The following MTHFD2L variants were observed in gnomAD, a reference collection of about 807,000 sequenced individuals.
MTHFD2L encodes the protein bifunctional methylenetetrahydrofolate dehydrogenase/cyclohydrolase 2, mitochondrial.
A neutral mutation model predicts 34.9 loss-of-function variants in MTHFD2L; 29 were observed. That is an observed-to-expected ratio of 0.83 (90% CI 0.62 to 1.13). The LOEUF (loss-of-function observed/expected upper bound fraction) is 1.13. Ranked by LOEUF, MTHFD2L falls within the 50% of genes most tolerant of loss-of-function variation. The pLI is 0.00. For missense variants in MTHFD2L, 481 were observed against 446.5 expected, an observed-to-expected ratio of 1.08 and a Z score of -0.70; for synonymous variants, 167 against 155.7, an observed-to-expected ratio of 1.07 and a Z score of -0.54.
intron 3 of MTHFD2L, among the ~76,000 whole-genome samples, chr4:74,188,447 C>T (rs1490812070): frequency 6.6e-6 from 1 of 152,154 alleles, no homozygotes; most frequent in Non-Finnish European, 1.5e-5. Flanking sequence ...CTCATGAACT[C>T]ATCTAAATCT....
intron 6 of MTHFD2L, among the ~76,000 whole-genome samples, chr4:74,237,728 A>G (rs1209769362): frequency 6.6e-6 from 1 of 152,168 alleles, no homozygotes; most frequent in Non-Finnish European, 1.5e-5. Context: ...TCAGCCTTAG[A>G]TTCTCTTTCA....
upstream of MTHFD2L, chr4:74,157,001 GTTTC>G (rs1724327124): frequency 6.6e-6 from 1 of 151,804 alleles, no homozygotes; most frequent in African/African-American, 2.4e-5. Context: ...TATGTGATTT[GTTTC>G]TTTATTAACA....
At chr4:74,293,105 T>C (rs763814446) in intron 7 of MTHFD2L, among the ~76,000 whole-genome samples, 16 of 152,140 alleles carry the variant, frequency 1.1e-4, no homozygotes, top group Non-Finnish European at 1.9e-4. Context: ...TCCAGGTTTG[T>C]TACATAGGTA....
At chr4:74,140,909 A>T (rs542312394) in intron 1 of MTHFD2L, among the ~76,000 whole-genome samples, 1 of 152,290 alleles carries the variant, frequency 6.6e-6, no homozygotes, top group South Asian at 2.1e-4. Context: ...AAACATGGGG[A>T]TTATGGGAAT....
rs1196650738 is a variant in MTHFD2L, at chr4:74,139,020, A to T, written c.-297+13503A>T. The stretch of plus-strand genomic sequence containing the variant: ...AAAGGTAGGTGCAGTCACCTTCCCC[A>T]GCCAGGATTAGGAATTCTTAGTTGG... On this transcript the variant is annotated intron_variant, in intron 1 of 7. Transcript: ENST00000433372. Among the ~76,000 whole-genome samples, 3 of 152,224 alleles carry T rather than the reference A, an allele frequency of 2.0e-5. No homozygotes were observed. In the East Asian group the frequency reaches 5.8e-4, roughly 29 times the overall value.
chr4:74,252,840 T>C (rs1008776318), intron 6 of MTHFD2L, among the ~76,000 whole-genome samples: 1 of 152,054 alleles, frequency 6.6e-6, no homozygotes, highest in Admixed American at 6.5e-5. Context: ...GGGAAATCAC[T>C]GATCACAAAG....
At chr4:74,289,091 C>G (rs1748557380) in intron 7 of MTHFD2L, among the ~76,000 whole-genome samples, 1 of 152,048 alleles carries the variant, frequency 6.6e-6, no homozygotes, top group Admixed American at 6.6e-5. Flanking sequence ...CAACAGTGAC[C>G]TAAAAAGACA....
intron 5 of MTHFD2L, among the ~76,000 whole-genome samples, chr4:74,218,969 TATAA>T (rs954439965): frequency 1.2e-4 from 18 of 151,986 alleles, no homozygotes; most frequent in South Asian, 8.3e-4. Context: ...TTAGAAAAAA[TATAA>T]ATAACAACAA....
At chr4:74,132,644 G>A (rs541537587) in intron 1 of MTHFD2L, among the ~76,000 whole-genome samples, 10 of 152,146 alleles carry the variant, frequency 6.6e-5, no homozygotes, top group African/African-American at 2.2e-4. Context: ...TGTAGATGAC[G>A]GGTTGATGGG....
intron 1 of MTHFD2L, among the ~76,000 whole-genome samples, chr4:74,172,154 G>A (rs1444504130): frequency 1.3e-5 from 2 of 152,150 alleles, no homozygotes; most frequent in African/African-American, 2.4e-5. Flanking sequence ...ATGGTTGCCT[G>A]GAATGGTGAA....
At position 74,125,711 on chromosome 4, in the gene MTHFD2L, T is replaced by G. The variant is rs558603953; in HGVS notation, c.-297+194T>G. Among the ~76,000 whole-genome samples the G allele has an allele frequency of 9.2e-5, 14 of 152,314 alleles. No individual in the cohort carries two copies. In the South Asian group the frequency reaches 2.9e-3, roughly 32 times the overall value. ...TAGCGATAGTAATTTGCTTTTTTAA[T>G]AATGGAAAATGTAGAGCAATATAGC... On this transcript the variant is annotated intron_variant, in intron 1 of 7. Transcript: ENST00000433372.
chr4:74,178,732 T>C (rs911948457), intron 3 of MTHFD2L, among the ~76,000 whole-genome samples: 1 of 152,122 alleles, frequency 6.6e-6, no homozygotes, highest in African/African-American at 2.4e-5. Flanking sequence ...TTGTATGCCA[T>C]TTATATTACA....
chr4:74,223,329 A>C (rs575639066), intron 5 of MTHFD2L, among the ~76,000 whole-genome samples: 1 of 152,182 alleles, frequency 6.6e-6, no homozygotes, highest in African/African-American at 2.4e-5. Flanking sequence ...AGGAACATGG[A>C]GCTGGAGGCC....
chr4:74,248,016 C>T (rs1386603744), intron 6 of MTHFD2L, among the ~76,000 whole-genome samples: 3 of 152,022 alleles, frequency 2.0e-5, no homozygotes, highest in Non-Finnish European at 4.4e-5. Flanking sequence ...GGGAGGATTC[C>T]CTCTTTTTCT....
intron 1 of MTHFD2L, among the ~76,000 whole-genome samples, chr4:74,145,212 G>A (rs1042233155): frequency 3.4e-5 from 5 of 148,824 alleles, no homozygotes; most frequent in Admixed American, 6.7e-5. Context: ...TTGCATCCTC[G>A]AATTCAACCA....
chr4:74,257,928 A>G (rs1744229451), intron 6 of MTHFD2L, among the ~76,000 whole-genome samples: 1 of 152,116 alleles, frequency 6.6e-6, no homozygotes, highest in African/African-American at 2.4e-5. Context: ...TGAGCAAAAG[A>G]CTTGACTAGA....
intron 6 of MTHFD2L, chr4:74,280,265 T>G (rs1016190202): frequency 3.3e-5 from 5 of 152,136 alleles, no homozygotes; most frequent in African/African-American, 1.2e-4. Context: ...TATGCTGGTT[T>G]CCCAGTCCAA....
chr4:74,126,062 T>A (rs2109788251), intron 1 of MTHFD2L, among the ~76,000 whole-genome samples: 1 of 152,236 alleles, frequency 6.6e-6, no homozygotes, highest in Admixed American at 6.5e-5. Flanking sequence ...AAGGCCCAGG[T>A]TGGAAATATT....
At chr4:74,146,829 T>A (rs377620388) in intron 1 of MTHFD2L, among the ~76,000 whole-genome samples, 44 of 152,238 alleles carry the variant, frequency 2.9e-4, no homozygotes, top group East Asian at 1.9e-3. Context: ...CTTCATTGCT[T>A]TTCATTCTAT....
Sources: gnomAD v4.1 joint callset for allele counts (sites outside exome capture counted in the v4.1 genomes callset) on GRCh38, gnomAD v4.1.1 for gene constraint, MANE v1.5 for transcripts, NCBI Gene and HGNC (gene_info 2026-07-23, HGNC 2026-07-21) for gene names.